Variants in SPOCK3 observed in about 807,000 individuals in gnomAD.
The protein encoded by SPOCK3 is SPARC (osteonectin), cwcv and kazal like domains proteoglycan 3.
SPOCK3 carries 30 observed loss-of-function variants against 56.6 expected under a neutral mutation model. The ratio of observed to expected loss-of-function variants is 0.53; its 90% confidence interval spans 0.40 to 0.72. The LOEUF (loss-of-function observed/expected upper bound fraction) is 0.72. Among genes scored for constraint, SPOCK3 ranks in the 30% least tolerant of loss-of-function variants. The pLI, the probability that SPOCK3 is intolerant of heterozygous loss-of-function variation, is 0.00. For synonymous variants in SPOCK3, 196 were observed against 183.3 expected, an observed-to-expected ratio of 1.07 and a Z score of -0.56; for missense variants, 527 against 530.0, an observed-to-expected ratio of 0.99 and a Z score of 0.06.
At chr4:166,847,318 T>A (rs1043886137) in intron 6 of SPOCK3, among the ~76,000 whole-genome samples, 1 of 152,040 alleles carries the variant, frequency 6.6e-6, no homozygotes, top group Non-Finnish European at 1.5e-5. Context: ...GGGAGACTTG[T>A]TAAACATTTA....
intron 6 of SPOCK3, among the ~76,000 whole-genome samples, chr4:166,821,847 A>G (rs1052986836): frequency 6.6e-6 from 1 of 152,110 alleles, no homozygotes; most frequent in Non-Finnish European, 1.5e-5. Context: ...TTGTAAATTT[A>G]CTAAAATTAA....
chr4:166,885,482 G>T (rs556745310), intron 6 of SPOCK3, among the ~76,000 whole-genome samples: 11 of 152,046 alleles, frequency 7.2e-5, no homozygotes, highest in African/African-American at 2.4e-4. Context: ...GTCTGGCAAT[G>T]ACCGATTTGC....
intron 3 of SPOCK3, among the ~76,000 whole-genome samples, chr4:167,058,978 T>C (rs971628450): frequency 1.3e-5 from 2 of 152,068 alleles, no homozygotes; most frequent in African/African-American, 4.8e-5. Flanking sequence ...ATCCCTTCCT[T>C]ACACCTTATA....
At chr4:167,149,548 C>T (rs1273810159) in intron 2 of SPOCK3, among the ~76,000 whole-genome samples, 1 of 151,954 alleles carries the variant, frequency 6.6e-6, no homozygotes, top group Non-Finnish European at 1.5e-5. Context: ...TGATATTGCT[C>T]ATAATTTCAT....
chr4:166,919,481 ACATGACTG>A (rs1181002411), intron 4 of SPOCK3, among the ~76,000 whole-genome samples: 2 of 152,218 alleles, frequency 1.3e-5, no homozygotes, highest in South Asian at 2.1e-4. Context: ...ACGACAAATG[ACATGACTG>A]CATATTTCCA....
intron 2 of SPOCK3, among the ~76,000 whole-genome samples, chr4:167,166,929 T>C (rs1730016144): frequency 6.6e-6 from 1 of 152,154 alleles, no homozygotes; most frequent in African/African-American, 2.4e-5. Context: ...ACACTTATAG[T>C]GGAGTTCCAT....
chr4:167,119,870 TCTTA>T (rs920075047), intron 2 of SPOCK3: 1 of 1,524,762 alleles, frequency 6.6e-7, no homozygotes, highest in Admixed American at 2.0e-5. Flanking sequence ...TCGTTTTTCT[TCTTA>T]CTAATGCCCC....
chr4:167,018,527 C>A (rs1750863691), intron 3 of SPOCK3, among the ~76,000 whole-genome samples: 1 of 152,086 alleles, frequency 6.6e-6, no homozygotes, highest in African/African-American at 2.4e-5. Flanking sequence ...ACAGGTCCTG[C>A]TGGCATCTGT....
At chr4:167,097,838 T>A (rs1267196297) in intron 2 of SPOCK3, among the ~76,000 whole-genome samples, 1 of 152,010 alleles carries the variant, frequency 6.6e-6, no homozygotes. Context: ...ATGTGATACA[T>A]ATACACTATG....
intron 6 of SPOCK3, among the ~76,000 whole-genome samples, chr4:166,852,532 G>T (rs533805934): frequency 4.5e-4 from 68 of 152,088 alleles, no homozygotes; most frequent in Non-Finnish European, 8.2e-4. Context: ...CTCTACTGTG[G>T]TTTCCATAAA....
chr4:167,220,288 T>G (rs1735773575), intron 2 of SPOCK3, among the ~76,000 whole-genome samples: 1 of 151,856 alleles, frequency 6.6e-6, no homozygotes, highest in Admixed American at 6.6e-5. Context: ...GTGGCACAAC[T>G]GTAGAAATTA....
rs182521232 is a variant in SPOCK3, at chr4:167,073,908, T to C, written c.190-11371A>G. On this transcript the variant is annotated intron_variant, in intron 2 of 10. Coordinates refer to ENST00000357545, the MANE Select transcript of SPOCK3 (RefSeq NM_001040159.2). ...CCTTTATTATCTCTTTAAAATTATA[T>C]AAACATAAGACTTTCAAAACACCCT... Among the ~76,000 whole-genome samples, 145 of 152,030 alleles carry C rather than the reference T, an allele frequency of 9.5e-4. 3 individuals are homozygous for C. In the East Asian group the frequency reaches 0.013, roughly 13 times the overall value.
intron 4 of SPOCK3, among the ~76,000 whole-genome samples, chr4:166,988,360 T>C (rs975783392): frequency 2.0e-5 from 3 of 152,040 alleles, no homozygotes; most frequent in African/African-American, 7.2e-5. Context: ...AACAAAATGC[T>C]GAATTTGCCC....
intron 2 of SPOCK3, among the ~76,000 whole-genome samples, chr4:167,152,825 A>G (rs892881357): frequency 6.6e-6 from 1 of 152,198 alleles, no homozygotes; most frequent in African/African-American, 2.4e-5. Context: ...TTATCAAAAT[A>G]TGTTTTTTAA....
chr4:166,754,901 G>T (rs1736874564), intron 7 of SPOCK3, among the ~76,000 whole-genome samples, 172 bp from the exon 8 acceptor site: 1 of 152,032 alleles, frequency 6.6e-6, no homozygotes, highest in Admixed American at 6.6e-5. Context: ...GGATATAGTA[G>T]TATCTACATT....
At chr4:167,223,122 T>C (rs1406503649) in intron 2 of SPOCK3, among the ~76,000 whole-genome samples, 1 of 112,140 alleles carries the variant, frequency 8.9e-6, no homozygotes, top group Non-Finnish European at 1.7e-5. Context: ...ATATATATTT[T>C]ATATATGAAT....
In SPOCK3 at chr4:166,957,762, G is replaced by T. The variant is rs146890423; in HGVS notation, c.350+42587C>A. 2.8e-4 allele frequency among the ~76,000 whole-genome samples: 43 copies of T among 152,262 alleles called. 2 individuals carry two copies. In the South Asian group the frequency reaches 8.1e-3, roughly 29 times the overall value. ...GTTTTGGACTTGCATGGGGCCTACA[G>T]TCTCTCTTTTTTGGCCAATTTCTCC... On this transcript the variant is annotated intron_variant, in intron 4 of 10. Transcript: ENST00000357545.
intron 4 of SPOCK3, among the ~76,000 whole-genome samples, chr4:166,942,778 A>G (rs1329946932): frequency 6.6e-6 from 1 of 152,226 alleles, no homozygotes; most frequent in Non-Finnish European, 1.5e-5. Flanking sequence ...AGAAGAATTT[A>G]TAACAACTTA....
At chr4:167,108,319 A>G (rs11946086) in intron 2 of SPOCK3, among the ~76,000 whole-genome samples, 19,941 of 151,926 alleles carry the variant, frequency 0.13, 1,522 homozygotes, top group East Asian at 0.17. Flanking sequence ...TACCCAAAAG[A>G]AAGGAAATCA....
Sources: gnomAD v4.1 joint callset for allele counts (sites outside exome capture counted in the v4.1 genomes callset) on GRCh38, gnomAD v4.1.1 for gene constraint, MANE v1.5 for transcripts, NCBI Gene and HGNC (gene_info 2026-07-23, HGNC 2026-07-21) for gene names.